The following CEP112 variants were observed in gnomAD, a reference collection of about 807,000 sequenced individuals.
The protein encoded by CEP112 is centrosomal protein of 112 kDa.
In CEP112, 127 loss-of-function variants were observed where a neutral mutation model predicts 153.0. That is an observed-to-expected ratio of 0.83 (90% CI 0.72 to 0.96). CEP112 has a LOEUF of 0.96. Among genes scored for constraint, CEP112 ranks in the 40% least tolerant of loss-of-function variants. The pLI is 0.00. For synonymous variants in CEP112, 358 were observed against 374.4 expected (o/e 0.96, Z 0.51); for missense variants, 1,089 against 1,101.2 (o/e 0.99, Z 0.16).
intron 12 of CEP112, among the ~76,000 whole-genome samples, chr17:66,037,434 G>A (rs1373081): frequency 0.41 from 62,447 of 151,798 alleles, 14,302 homozygotes; most frequent in East Asian, 0.87. Flanking sequence ...TAATGTCACT[G>A]CGGTATTATG....
intron 21 of CEP112, among the ~76,000 whole-genome samples, chr17:65,808,997 C>G (rs1188085977): frequency 6.6e-6 from 1 of 152,122 alleles, no homozygotes; most frequent in Non-Finnish European, 1.5e-5. Flanking sequence ...CATGTTATGA[C>G]ACAGCAAGAA....
chr17:66,012,871 A>G (rs1218977622), intron 16 of CEP112, among the ~76,000 whole-genome samples: 5 of 151,694 alleles, frequency 3.3e-5, no homozygotes, highest in Non-Finnish European at 7.4e-5. Context: ...TAAGTCATAG[A>G]TTTGGTCTCT....
intron 3 of CEP112, among the ~76,000 whole-genome samples, chr17:66,175,839 C>CA (rs974436109): frequency 1.2e-3 from 184 of 152,296 alleles, no homozygotes; most frequent in African/African-American, 4.2e-3. Context: ...CTCATATCTT[C>CA]ACATCTAGAT....
chr17:66,129,646 C>A (rs554492267), intron 6 of CEP112, 100 bp downstream of exon 6: 274 of 811,558 alleles, frequency 3.4e-4, no homozygotes, highest in Middle Eastern at 3.5e-4. Flanking sequence ...TGTCTAACAT[C>A]CAACGTTCAC....
Position 65,659,028 on chromosome 17 carries a change from A to AAAAG in CEP112, c.2698-17964_2698-17963insCTTT, listed in dbSNP as rs1391603338. Among the ~76,000 whole-genome samples, 541 of 150,556 alleles carry AAAAG rather than the reference A, an allele frequency of 3.6e-3. 32 individuals are homozygous for AAAAG. The highest frequency in any genetic ancestry group is 0.013 in the African/African-American group (514 of 40,776). ...GAGACTCTGTCTCAAAAAAAAAAAA[A>AAAAG]AAAAAAAAAAAAATATCAGACCATT... On this transcript the variant is annotated intron_variant, in intron 24 of 26. Transcript: ENST00000535342.
chr17:65,906,726 G>C (rs909954794), intron 19 of CEP112, among the ~76,000 whole-genome samples: 1 of 152,024 alleles, frequency 6.6e-6, no homozygotes, highest in Non-Finnish European at 1.5e-5. Flanking sequence ...TAAAATAAAT[G>C]TGTATGCTTT....
rs148479480 is a variant in CEP112, at chr17:65,820,377, T to C, written c.2394+31427A>G. On this transcript the variant is annotated intron_variant, in intron 21 of 26. Coordinates refer to ENST00000535342, the MANE Select transcript of CEP112 (RefSeq NM_001199165.4). ...CTAGATAGTTTTCTAGTTCTTTTTT[T>C]ACCTGTATTTCTCATTGTCACTGCA... Among the ~76,000 whole-genome samples, 1,063 of 152,248 alleles carry C rather than the reference T, an allele frequency of 7.0e-3. 5 individuals are homozygous for C. The highest frequency in any genetic ancestry group is 0.016 in the South Asian group (76 of 4,826).
chr17:65,930,826 T>C (rs971698889), intron 18 of CEP112, among the ~76,000 whole-genome samples: 1 of 151,724 alleles, frequency 6.6e-6, no homozygotes, highest in Admixed American at 6.6e-5. Context: ...TAGGGCCTTT[T>C]GCCCATCATA....
At position 66,034,052 on chromosome 17, in the gene CEP112, AGACTT is replaced by A. The variant is rs1009713117; in HGVS notation, c.1219-4034_1219-4030del. Among the ~76,000 whole-genome samples the A allele has an allele frequency of 7.6e-4, 116 of 152,278 alleles. 2 individuals are homozygous for A. The highest frequency in any genetic ancestry group is 7.3e-3 in the Admixed American group (111 of 15,282). ...CCCAGACTCCACAATGCCGATTGCA[AGACTT>A]GAATGTGTGCCAATTTTGATATACA... On this transcript the variant is annotated intron_variant, in intron 12 of 26. Transcript: ENST00000535342.
At chr17:65,726,990 C>G (rs2050218128) in intron 23 of CEP112, among the ~76,000 whole-genome samples, 1 of 152,150 alleles carries the variant, frequency 6.6e-6, no homozygotes. Flanking sequence ...GCAAGTATAT[C>G]CAGAGATAGA....
intron 22 of CEP112, among the ~76,000 whole-genome samples, chr17:65,746,165 C>CAAAA (rs56361589): frequency 0.013 from 658 of 49,254 alleles, 9 homozygotes; most frequent in East Asian, 0.039. Context: ...AACTCCATCT[C>CAAAA]AAAAAAAAAA....
intron 25 of CEP112, among the ~76,000 whole-genome samples, chr17:65,640,155 T>TATATATATATATATATATATATATATATA (rs1491163281): frequency 8.0e-5 from 2 of 24,976 alleles, no homozygotes; most frequent in Admixed American, 5.3e-4. Context: ...TATATATATA[T>TATATATATATATATATATATATATATATA]TTTTTTTTTT....
At chr17:66,039,868 T>C (rs917975454) in intron 12 of CEP112, among the ~76,000 whole-genome samples, 8 of 152,214 alleles carry the variant, frequency 5.3e-5, no homozygotes, top group African/African-American at 1.7e-4. Context: ...TCTTCATGCA[T>C]ATTATATGCC....
At position 65,641,074 on chromosome 17, in the gene CEP112, G is replaced by GT; in HGVS notation, c.2698-10_2698-9insA. On this transcript the variant is annotated splice_polypyrimidine_tract_variant and intron_variant, in intron 24 of 26. Transcript: ENST00000535342. ...TGTCGTATGTAAGTTATCTAAATTG[G>GT]AAAAAAATTAAGAGTTATCTTTTTA... The GT allele has an allele frequency of 6.9e-7, 1 of 1,449,330 alleles. No homozygotes were observed. The highest frequency in any genetic ancestry group is 9.7e-7 in the Non-Finnish European group (1 of 1,031,974). 89.8% of individuals were successfully genotyped at this position (1,449,330 alleles called of 1,614,324 possible).
chr17:65,991,093 C>G (rs1421705562), intron 17 of CEP112, among the ~76,000 whole-genome samples: 1 of 152,198 alleles, frequency 6.6e-6, no homozygotes, highest in Non-Finnish European at 1.5e-5. Flanking sequence ...TCACAACCTT[C>G]TATTACAATG....
intron 24 of CEP112, among the ~76,000 whole-genome samples, chr17:65,665,863 A>G (rs1251554146): frequency 6.6e-6 from 1 of 152,156 alleles, no homozygotes; most frequent in Non-Finnish European, 1.5e-5. Context: ...AGCTGGCCCC[A>G]GCAGTCCCCC....
At chr17:65,824,015 G>A (rs936477425) in intron 21 of CEP112, among the ~76,000 whole-genome samples, 30 of 152,138 alleles carry the variant, frequency 2.0e-4, no homozygotes, top group Admixed American at 2.6e-4. Flanking sequence ...AAATTATGTA[G>A]CTACTTTGGG....
intron 17 of CEP112, among the ~76,000 whole-genome samples, chr17:65,976,086 G>T (rs1036896): frequency 0.52 from 79,175 of 152,068 alleles, 21,616 homozygotes; most frequent in African/African-American, 0.6. Flanking sequence ...AATCACCATG[G>T]ACTCGGACAA....
At position 65,637,359 on chromosome 17, in the gene CEP112, T is replaced by G. The variant is rs185542587; in HGVS notation, c.2800-171A>C. 6.5e-4 allele frequency among the ~76,000 whole-genome samples: 99 copies of G among 152,360 alleles called. 1 individual carries two copies. Among genetic ancestry groups the G allele is most frequent in the African/African-American group, 2.4e-3 (98 of 41,582 alleles). On this transcript the variant is annotated intron_variant, in intron 25 of 26. Coordinates refer to ENST00000535342, the MANE Select transcript of CEP112 (RefSeq NM_001199165.4). ...ACATTTGGTCACATCCCATCCTTAT[T>G]GAAAATCCATCAGTTACGACAGAAT...
Sources: allele counts gnomAD v4.1 joint callset (sites outside exome capture counted in the v4.1 genomes callset), GRCh38; gene constraint gnomAD v4.1.1; transcripts MANE v1.5; gene names NCBI Gene and HGNC (gene_info 2026-07-23, HGNC 2026-07-21).